Variants in TANC2 observed in about 807,000 individuals in gnomAD.
The protein encoded by TANC2 is tetratricopeptide repeat, ankyrin repeat and coiled-coil containing 2.
In TANC2, 26 loss-of-function variants were observed where a neutral mutation model predicts 210.5. The ratio of observed to expected loss-of-function variants is 0.12; its 90% CI spans 0.09 to 0.17. The LOEUF is 0.17. Among genes scored for constraint, TANC2 ranks in the 10% least tolerant of loss-of-function variants. The probability of loss-of-function intolerance (pLI) is 1.00; values close to 1 mark genes in which losing one functional copy is unlikely to be tolerated. For missense variants in TANC2, 2,129 were observed against 2,608.9 expected, an observed-to-expected ratio of 0.82 and a Z score of 4.01; for synonymous variants, 931 against 967.1, an observed-to-expected ratio of 0.96 and a Z score of 0.69.
At chr17:63,424,315 CCAT>C (rs1403394313) in exon 28 of TANC2, 1 of 152,170 alleles carries the variant, frequency 6.6e-6, no homozygotes, top group Admixed American at 6.5e-5. Context: ...TTCTTTTTGG[CCAT>C]CATAAGAGGG....
At position 63,405,140 on chromosome 17, in the gene TANC2, G is replaced by C. The variant is rs190187657; in HGVS notation, c.3350G>C (p.Gly1117Ala). 1,136 of 1,613,028 alleles carry C rather than the reference G, an allele frequency of 7.0e-4. 9 individuals are homozygous for C. In the African/African-American group the frequency reaches 0.011, roughly 16 times the overall value. Residue 1117 changes from glycine (G) to alanine (A), a missense_variant, in exon 20 of 28, where the codon GGA becomes GCA. This residue lies in a region of TANC2 where 644 missense variants were observed against 937.5 expected (regional missense o/e 0.69). Transcript: ENST00000689528. ...CCCTTAGCCCTAACAGCTGCAGCCGGAAGGGGCAAACTGGAGGTGTGCCGT... is the reference window on the plus strand; with the variant it reads ...CCCTTAGCCCTAACAGCTGCAGCCGCAAGGGGCAAACTGGAGGTGTGCCGT...
At chr17:63,152,046 C>T (rs2039671332) in intron 5 of TANC2, 1 of 152,146 alleles carries the variant, frequency 6.6e-6, no homozygotes, top group Admixed American at 6.5e-5. Context: ...GATGAGTTGC[C>T]TGGCAACATC....
At chr17:63,285,445 A>G (rs1014969959) in intron 9 of TANC2, among the ~76,000 whole-genome samples, 3 of 152,162 alleles carry the variant, frequency 2.0e-5, no homozygotes, top group Admixed American at 6.5e-5. Flanking sequence ...CTTAAGTGAT[A>G]TTACACCATT....
rs1317058991 is a variant in TANC2 at position 63,418,713 on chromosome 17, C to G, written c.4268+306C>G. Among the ~76,000 whole-genome samples, 1 of 152,230 alleles carries G rather than the reference C, an allele frequency of 6.6e-6. No individual in the cohort carries two copies. Among genetic ancestry groups the G allele is most frequent in the Non-Finnish European group, 1.5e-5 (1 of 68,040 alleles). Reference sequence around the variant, plus strand: ...TTTTCAACCCCCAGAGCAGCTAGCACAAAGAGACAACGGCGACTTAAAGAA... The same window carrying G: ...TTTTCAACCCCCAGAGCAGCTAGCAGAAAGAGACAACGGCGACTTAAAGAA... On this transcript the variant is annotated intron_variant, in intron 27 of 27. Transcript: ENST00000689528. The surrounding 1 kb of genome is among the most constrained non-coding windows in gnomAD (Gnocchi z 4.6).
intron 12 of TANC2, among the ~76,000 whole-genome samples, chr17:63,347,089 A>G (rs2046438486): frequency 6.6e-6 from 1 of 152,224 alleles, no homozygotes; most frequent in African/African-American, 2.4e-5. Flanking sequence ...AGAAATGAAA[A>G]CATATGTCTA....
At chr17:63,174,201 A>G (rs977021816) in intron 5 of TANC2, among the ~76,000 whole-genome samples, 2 of 152,222 alleles carry the variant, frequency 1.3e-5, no homozygotes, top group Admixed American at 1.3e-4. Context: ...CTTGGCAGTA[A>G]AGCTATGCAG....
intron 14 of TANC2, among the ~76,000 whole-genome samples, chr17:63,359,672 T>G (rs2046899414): frequency 6.6e-6 from 1 of 152,144 alleles, no homozygotes; most frequent in African/African-American, 2.4e-5. Flanking sequence ...TTTAAATGTT[T>G]GAATAAGATA....
intron 1 of TANC2, among the ~76,000 whole-genome samples, chr17:62,984,420 T>A (rs2032464273): frequency 6.6e-6 from 1 of 152,166 alleles, no homozygotes; most frequent in South Asian, 2.1e-4. Context: ...CAAATTTTTG[T>A]CTCATTGATC....
intron 7 of TANC2, among the ~76,000 whole-genome samples, chr17:63,219,879 C>A (rs1321586022): frequency 6.6e-6 from 1 of 152,012 alleles, no homozygotes; most frequent in Non-Finnish European, 1.5e-5. Flanking sequence ...TTAGCCAGAA[C>A]AAATTTTGAA....
chr17:63,028,549 G>A (rs896042370), intron 2 of TANC2, among the ~76,000 whole-genome samples: 1 of 152,100 alleles, frequency 6.6e-6, no homozygotes, highest in South Asian at 2.1e-4. Context: ...TACAAGGTTG[G>A]TTGGTTCAGA....
chr17:63,016,830 A>G lies in TANC2; in HGVS notation c.67+7204A>G, dbSNP rs117115040. ...AGTGATATTGAGGATCTTTTCATTA[A>G]TGATCGTTTTATGTCTTTGGAGAAA... On this transcript the variant is annotated intron_variant, in intron 2 of 27. Coordinates refer to ENST00000689528, the Ensembl canonical transcript of TANC2. Among the ~76,000 whole-genome samples the G allele has an allele frequency of 2.3e-3, 345 of 152,196 alleles. 1 individual carries two copies. The highest frequency in any genetic ancestry group is 4.2e-3 in the Non-Finnish European group (287 of 67,998).
intron 21 of TANC2, among the ~76,000 whole-genome samples, chr17:63,410,483 G>A (rs1251385093): frequency 6.6e-6 from 1 of 152,062 alleles, no homozygotes; most frequent in Non-Finnish European, 1.5e-5. Context: ...TGGGGAGGGA[G>A]AAGGGGCCCT....
chr17:63,286,498 T>C (rs2044224946), intron 9 of TANC2, among the ~76,000 whole-genome samples: 1 of 152,198 alleles, frequency 6.6e-6, no homozygotes, highest in South Asian at 2.1e-4. Flanking sequence ...CCTTTGTTCC[T>C]CTGTACTTAA....
At chr17:63,040,430 T>G (rs2035141355) in intron 2 of TANC2, among the ~76,000 whole-genome samples, 1 of 151,990 alleles carries the variant, frequency 6.6e-6, no homozygotes, top group Non-Finnish European at 1.5e-5. Context: ...AAAGAAGCAC[T>G]TTACTTATGT....
At chr17:63,220,901 CAAAAG>C (rs1382295194) in intron 7 of TANC2, among the ~76,000 whole-genome samples, 1 of 150,768 alleles carries the variant, frequency 6.6e-6, no homozygotes, top group African/African-American at 2.4e-5. Context: ...TATCCATACA[CAAAAG>C]AAAAAACAGT....
At chr17:63,036,037 GT>G (rs756424003) in intron 2 of TANC2, among the ~76,000 whole-genome samples, 162 of 152,190 alleles carry the variant, frequency 1.1e-3, no homozygotes, top group Non-Finnish European at 1.7e-3. Flanking sequence ...TTATTTGGTT[GT>G]TTGTTTTCTC....
chr17:63,361,508 A>G (rs2046956574), intron 14 of TANC2, among the ~76,000 whole-genome samples: 1 of 152,228 alleles, frequency 6.6e-6, no homozygotes, highest in African/African-American at 2.4e-5. Context: ...TGTACCAAAC[A>G]TATTGCACGC....
At chr17:63,233,926 A>G (rs182195579) in intron 7 of TANC2, among the ~76,000 whole-genome samples, 1 of 152,316 alleles carries the variant, frequency 6.6e-6, no homozygotes, top group East Asian at 1.9e-4. Context: ...CTCCTTTCTC[A>G]TAAAGCAAAC....
At chr17:63,261,430 AC>A (rs2043353149) in intron 8 of TANC2, among the ~76,000 whole-genome samples, 1 of 152,186 alleles carries the variant, frequency 6.6e-6, no homozygotes. Flanking sequence ...GCTGACACTT[AC>A]ATCTCCATGA....
Sources: allele counts gnomAD v4.1 joint callset (sites outside exome capture counted in the v4.1 genomes callset), GRCh38; gene constraint gnomAD v4.1.1; regional missense constraint gnomAD v4.1.1; non-coding constraint Gnocchi (gnomAD v3.1); transcripts MANE v1.5; gene names NCBI Gene and HGNC (gene_info 2026-07-23, HGNC 2026-07-21).